Variants in PIP5K1B observed in about 807,000 individuals in gnomAD.
PIP5K1B encodes phosphatidylinositol-4-phosphate 5-kinase type 1 beta.
A neutral mutation model predicts 67.0 loss-of-function variants in PIP5K1B; 42 were observed. The observed-to-expected ratio is 0.63, with a 90% confidence interval of 0.49 to 0.81. The LOEUF (loss-of-function observed/expected upper bound fraction) is 0.81. Among genes scored for constraint, PIP5K1B ranks in the 30% least tolerant of loss-of-function variants. PIP5K1B has a pLI of 0.00. For missense variants in PIP5K1B, 459 were observed against 646.3 expected (o/e 0.71, Z 3.14); for synonymous variants, 214 against 231.4 (o/e 0.92, Z 0.68).
chr9:68,773,164 T>A (rs1287744347), intron 2 of PIP5K1B, among the ~76,000 whole-genome samples: 1 of 152,178 alleles, frequency 6.6e-6, no homozygotes, highest in Non-Finnish European at 1.5e-5. Context: ...AGTATATAAA[T>A]CCAACTAGAT....
At chr9:68,841,448 T>C (rs1187433696) in intron 4 of PIP5K1B, among the ~76,000 whole-genome samples, 2 of 152,336 alleles carry the variant, frequency 1.3e-5, no homozygotes, top group Admixed American at 6.5e-5. Context: ...GGAAATGATA[T>C]ATGGAAAATC....
At position 68,960,258 on chromosome 9, in the gene PIP5K1B, G is replaced by A. The variant is rs73647048; in HGVS notation, c.1502+19468G>A. ...GCTGTTCAGAAGTTCAGATTTATCCGTTTCCTGATCATCTGCATGTTATCT... is the reference window on the plus strand; with the variant it reads ...GCTGTTCAGAAGTTCAGATTTATCCATTTCCTGATCATCTGCATGTTATCT... On this transcript the variant is annotated intron_variant, in intron 14 of 15. Coordinates refer to ENST00000265382, the MANE Select transcript of PIP5K1B (RefSeq NM_003558.4). Among the ~76,000 whole-genome samples, 990 of 152,156 alleles carry A rather than the reference G, an allele frequency of 6.5e-3. 13 individuals are homozygous for A. The highest frequency in any genetic ancestry group is 0.022 in the African/African-American group (927 of 41,510).
intron 2 of PIP5K1B, among the ~76,000 whole-genome samples, chr9:68,743,226 G>A (rs1355918776): frequency 9.0e-5 from 12 of 133,254 alleles, no homozygotes; most frequent in Middle Eastern, 4.0e-3. Flanking sequence ...TTTTTTTTTC[G>A]AAACAGGGTT....
chr9:68,889,501 G>A (rs1398395607), intron 7 of PIP5K1B, among the ~76,000 whole-genome samples: 4 of 152,086 alleles, frequency 2.6e-5, no homozygotes, highest in Non-Finnish European at 5.9e-5. Flanking sequence ...TTGGGAGGCC[G>A]AGGCAGGCAG....
chr9:68,880,556 AACACACACACACAC>A (rs35017818), intron 6 of PIP5K1B, among the ~76,000 whole-genome samples: 1 of 118,590 alleles, frequency 8.4e-6, no homozygotes, highest in Non-Finnish European at 2.0e-5. Context: ...CTGCATCTGA[AACACACACACACAC>A]ACACACACAC....
chr9:68,836,934 C>T (rs1293182561), intron 4 of PIP5K1B, among the ~76,000 whole-genome samples: 1 of 152,222 alleles, frequency 6.6e-6, no homozygotes, highest in Non-Finnish European at 1.5e-5. Flanking sequence ...GAAGCCCTTT[C>T]CCCTCAGGCT....
chr9:68,968,612 CA>C (rs1382334475), intron 14 of PIP5K1B, among the ~76,000 whole-genome samples: 5 of 151,582 alleles, frequency 3.3e-5, no homozygotes, highest in Non-Finnish European at 7.4e-5. Flanking sequence ...GCATTTCTAG[CA>C]CATGATATTT....
chr9:68,786,787 A>G (rs1831644029), intron 2 of PIP5K1B, among the ~76,000 whole-genome samples: 1 of 152,192 alleles, frequency 6.6e-6, no homozygotes, highest in African/African-American at 2.4e-5. Flanking sequence ...ACTGTTGTAA[A>G]TACATGGTAG....
chr9:69,005,543 A>T (rs992362986), intron 15 of PIP5K1B, among the ~76,000 whole-genome samples: 1 of 151,838 alleles, frequency 6.6e-6, no homozygotes, highest in Admixed American at 6.6e-5. Context: ...CACGCGGCTA[A>T]TTTTGTATTT....
At position 68,875,295 on chromosome 9, in the gene PIP5K1B, C is replaced by CAAAAAA. The variant is rs147022066; in HGVS notation, c.201-1356_201-1351dup. ...GCCAGCTCCATCCTCTGGTACTCAG[C>CAAAAAA]AAAAAAAAAAAAAAAAAAAAAAAAA... On this transcript the variant is annotated intron_variant, in intron 5 of 15. Coordinates refer to ENST00000265382, the MANE Select transcript of PIP5K1B (RefSeq NM_003558.4). 2.6e-3 allele frequency among the ~76,000 whole-genome samples: 118 copies of CAAAAAA among 44,872 alleles called. 8 individuals carry two copies. The highest frequency in any genetic ancestry group is 3.1e-3 in the Non-Finnish European group (86 of 27,524). The allele number at this position is 44,872 out of a possible 152,430, so 29.4% of individuals were successfully genotyped here.
At chr9:68,791,552 C>T (rs1210449851) in intron 2 of PIP5K1B, among the ~76,000 whole-genome samples, 1 of 152,088 alleles carries the variant, frequency 6.6e-6, no homozygotes, top group Non-Finnish European at 1.5e-5. Flanking sequence ...GTCTCTTTCC[C>T]TTGATGCTCT....
At chr9:68,926,658 G>A (rs1826721002) in intron 12 of PIP5K1B, among the ~76,000 whole-genome samples, 1 of 152,080 alleles carries the variant, frequency 6.6e-6, no homozygotes, top group South Asian at 2.1e-4. Context: ...TGCAACCTCT[G>A]CCTCCTGGGT....
intron 14 of PIP5K1B, among the ~76,000 whole-genome samples, chr9:68,969,772 C>T (rs776883134): frequency 6.6e-6 from 1 of 152,158 alleles, no homozygotes; most frequent in Non-Finnish European, 1.5e-5. Flanking sequence ...AGTAAACAAA[C>T]TTCAGTGGGG....
intron 5 of PIP5K1B, among the ~76,000 whole-genome samples, 162 bp from the exon 6 acceptor site, chr9:68,876,515 A>G (rs1006558133): frequency 4.6e-5 from 7 of 152,124 alleles, no homozygotes; most frequent in African/African-American, 1.7e-4. Flanking sequence ...CTGCCTGGTT[A>G]TCATTGGCCT....
At chr9:68,931,237 A>C (rs1366022948) in intron 12 of PIP5K1B, among the ~76,000 whole-genome samples, 2 of 152,238 alleles carry the variant, frequency 1.3e-5, no homozygotes, top group Non-Finnish European at 2.9e-5. Flanking sequence ...TAATTTGTCT[A>C]AAGTACTAAA....
At chr9:68,923,007 T>G (rs962963477) in intron 11 of PIP5K1B, among the ~76,000 whole-genome samples, 1 of 152,186 alleles carries the variant, frequency 6.6e-6, no homozygotes, top group South Asian at 2.1e-4. Flanking sequence ...TGGGACACAA[T>G]GTTATGAATA....
At chr9:68,789,677 CTG>C (rs892206785) in intron 2 of PIP5K1B, 2 of 286,338 alleles carry the variant, frequency 7.0e-6, no homozygotes, top group African/African-American at 4.6e-5. Context: ...TCATGATAGA[CTG>C]TGATTGTCAG....
At chr9:68,920,763 C>CTG (rs1310128234) in intron 11 of PIP5K1B, among the ~76,000 whole-genome samples, 3 of 145,480 alleles carry the variant, frequency 2.1e-5, no homozygotes, top group African/African-American at 8.2e-5. Context: ...CATTCCGTCT[C>CTG]TGTCTCTCTG....
At chr9:68,949,114 C>A (rs1018784922) in intron 14 of PIP5K1B, among the ~76,000 whole-genome samples, 2 of 151,922 alleles carry the variant, frequency 1.3e-5, no homozygotes, top group Non-Finnish European at 2.9e-5. Flanking sequence ...AAAAAGACTT[C>A]TTTATCCATT....
Sources: gnomAD v4.1 joint callset for allele counts (sites outside exome capture counted in the v4.1 genomes callset) on GRCh38, gnomAD v4.1.1 for gene constraint, MANE v1.5 for transcripts, NCBI Gene and HGNC (gene_info 2026-07-23, HGNC 2026-07-21) for gene names.